The following UNC5D variants were observed in gnomAD, a reference collection of about 807,000 sequenced individuals.
UNC5D encodes the protein netrin receptor UNC5D.
Under a neutral mutation model 105.4 loss-of-function variants are expected in UNC5D, and 39 were observed. The observed-to-expected ratio is 0.37, with a 90% confidence interval of 0.29 to 0.48. The LOEUF is 0.48. Among genes scored for constraint, UNC5D ranks in the 20% least tolerant of loss-of-function variants. The pLI is 0.98. For missense variants in UNC5D, 991 were observed against 1,202.4 expected, an observed-to-expected ratio of 0.82 and a Z score of 2.60; for synonymous variants, 452 against 450.4, an observed-to-expected ratio of 1.00 and a Z score of -0.04.
At chr8:35,525,229 G>A in intron 1 of UNC5D, 1 of 1,611,746 alleles carries the variant, frequency 6.2e-7, no homozygotes, top group Non-Finnish European at 8.5e-7. Context: ...GAACGTTGCA[G>A]TATCTTTTGG....
intron 1 of UNC5D, among the ~76,000 whole-genome samples, chr8:35,424,703 A>G (rs187663814): frequency 2.6e-5 from 4 of 152,286 alleles, no homozygotes; most frequent in African/African-American, 7.2e-5. Context: ...ACTCATCTCT[A>G]TAGTGTGGGC....
intron 1 of UNC5D, among the ~76,000 whole-genome samples, chr8:35,366,778 TA>T (rs1461840057): frequency 6.6e-6 from 1 of 152,106 alleles, no homozygotes; most frequent in East Asian, 1.9e-4. Flanking sequence ...GAAAACAGTT[TA>T]AAAAATCAGG....
intron 1 of UNC5D, among the ~76,000 whole-genome samples, chr8:35,459,565 T>C (rs903446839): frequency 1.3e-5 from 2 of 152,200 alleles, no homozygotes; most frequent in African/African-American, 4.8e-5. Flanking sequence ...CTGAAGGTCA[T>C]GGCATGTATT....
rs150072304 is a variant in UNC5D, at chr8:35,562,224, A to G, written c.323-5874A>G. 1.5e-3 allele frequency among the ~76,000 whole-genome samples: 222 copies of G among 152,274 alleles called. 1 individual carries two copies. The highest frequency in any genetic ancestry group is 4.9e-3 in the African/African-American group (203 of 41,558). ...TTTTATTCCTTTGTATGGTTGAATAATATTTCATGATATATACCGCATTTT... is the reference window on the plus strand; with the variant it reads ...TTTTATTCCTTTGTATGGTTGAATAGTATTTCATGATATATACCGCATTTT... On this transcript the variant is annotated intron_variant, in intron 2 of 16. Coordinates refer to ENST00000404895, the MANE Select transcript of UNC5D (RefSeq NM_080872.4).
At chr8:35,739,575 C>T (rs1430446098) in intron 11 of UNC5D, among the ~76,000 whole-genome samples, 1 of 152,098 alleles carries the variant, frequency 6.6e-6, no homozygotes, top group African/African-American at 2.4e-5. Context: ...ATGCCATTGA[C>T]AAGATAACAA....
chr8:35,510,710 G>A (rs891113518), intron 1 of UNC5D, among the ~76,000 whole-genome samples: 5 of 152,078 alleles, frequency 3.3e-5, no homozygotes, highest in Non-Finnish European at 7.4e-5. Context: ...CTATAAGTTC[G>A]AGTCAATCCA....
chr8:35,304,172 T>C (rs767574484), intron 1 of UNC5D, among the ~76,000 whole-genome samples: 8 of 152,070 alleles, frequency 5.3e-5, no homozygotes, highest in Non-Finnish European at 1.2e-4. Flanking sequence ...CATATTTCAC[T>C]AATAATATAT....
chr8:35,636,976 T>C (rs957428567), intron 4 of UNC5D, among the ~76,000 whole-genome samples: 1 of 152,172 alleles, frequency 6.6e-6, no homozygotes, highest in Non-Finnish European at 1.5e-5. Flanking sequence ...TGACTGCCCG[T>C]CAAATAACTC....
intron 1 of UNC5D, among the ~76,000 whole-genome samples, chr8:35,497,086 A>G (rs969409481): frequency 6.6e-5 from 10 of 152,302 alleles, no homozygotes; most frequent in African/African-American, 2.2e-4. Context: ...ATAAATGGTT[A>G]AATTTGTGTA....
intron 1 of UNC5D, among the ~76,000 whole-genome samples, chr8:35,515,729 G>C (rs117864940): frequency 6.6e-6 from 1 of 152,106 alleles, no homozygotes; most frequent in African/African-American, 2.4e-5. Context: ...ATGTAAGGGC[G>C]GCAACCTTTT....
At chr8:35,504,307 C>T (rs1812171326) in intron 1 of UNC5D, among the ~76,000 whole-genome samples, 1 of 152,160 alleles carries the variant, frequency 6.6e-6, no homozygotes, top group Admixed American at 6.5e-5. Flanking sequence ...GAAAAAATGA[C>T]AGCCTCATAG....
intron 1 of UNC5D, among the ~76,000 whole-genome samples, chr8:35,277,448 T>C (rs563714104): frequency 2.0e-5 from 3 of 152,336 alleles, no homozygotes; most frequent in East Asian, 1.9e-4. Context: ...TGTTGTCTGA[T>C]TGGTGCTCCT....
intron 7 of UNC5D, among the ~76,000 whole-genome samples, chr8:35,704,997 G>A (rs1020913827): frequency 7.6e-6 from 1 of 131,838 alleles, no homozygotes; most frequent in East Asian, 2.2e-4. Flanking sequence ...ACGGAGTCTC[G>A]CTGTTGCCCG....
intron 2 of UNC5D, among the ~76,000 whole-genome samples, chr8:35,549,970 T>TG (rs1815998758): frequency 6.7e-6 from 1 of 150,110 alleles, no homozygotes; most frequent in East Asian, 2.0e-4. Flanking sequence ...TTTTTTTTTT[T>TG]GACTATGGTG....
chr8:35,650,680 C>T (rs997832934), intron 4 of UNC5D, among the ~76,000 whole-genome samples: 2 of 151,966 alleles, frequency 1.3e-5, no homozygotes, highest in African/African-American at 4.8e-5. Context: ...CTATATTTGC[C>T]AGGCTGGTCT....
intron 16 of UNC5D, among the ~76,000 whole-genome samples, chr8:35,790,137 C>G (rs967983946): frequency 6.6e-6 from 1 of 152,052 alleles, no homozygotes. Flanking sequence ...AAAGACAAAA[C>G]AAGACTTGGG....
chr8:35,728,229 T>G (rs190019637), intron 10 of UNC5D, among the ~76,000 whole-genome samples: 1 of 152,098 alleles, frequency 6.6e-6, no homozygotes, highest in Admixed American at 6.5e-5. Flanking sequence ...GTTGATAAAC[T>G]GCCCATTACT....
intron 1 of UNC5D, among the ~76,000 whole-genome samples, chr8:35,297,501 T>C (rs1265199520): frequency 6.6e-6 from 1 of 152,146 alleles, no homozygotes; most frequent in Non-Finnish European, 1.5e-5. Context: ...TTGATGATAT[T>C]GTTCCCCTTT....
rs1189220264 is a variant in UNC5D, at chr8:35,348,115, T to C, written c.103+112228T>C. ...TCCTGACATTATCCCCACCTCTCCA[T>C]CTAATGCAGCTAATATTGGTAGCTT... On this transcript the variant is annotated intron_variant, in intron 1 of 16. Coordinates refer to ENST00000404895, the MANE Select transcript of UNC5D (RefSeq NM_080872.4). Among the ~76,000 whole-genome samples the C allele has an allele frequency of 3.3e-5, 5 of 152,080 alleles. No homozygotes were observed. In the East Asian group the frequency reaches 5.8e-4, roughly 18 times the overall value.
Sources: allele counts gnomAD v4.1 joint callset (sites outside exome capture counted in the v4.1 genomes callset), GRCh38; gene constraint gnomAD v4.1.1; transcripts MANE v1.5; gene names NCBI Gene and HGNC (gene_info 2026-07-23, HGNC 2026-07-21).